The following PTPRK variants were observed in gnomAD, a reference collection of about 807,000 sequenced individuals.
PTPRK encodes receptor-type tyrosine-protein phosphatase kappa.
Under a neutral mutation model 178.0 loss-of-function variants are expected in PTPRK, and 75 were observed. That is an observed-to-expected ratio of 0.42 (90% confidence interval 0.35 to 0.51). The LOEUF (loss-of-function observed/expected upper bound fraction) is 0.51. Among genes scored for constraint, PTPRK ranks in the 20% least tolerant of loss-of-function variants. The pLI is 0.02. For synonymous variants in PTPRK, 637 were observed against 620.6 expected (o/e 1.03, Z -0.39); for missense variants, 1,441 against 1,797.8 (o/e 0.80, Z 3.59).
At chr6:128,375,347 G>A (rs1836908963) in intron 2 of PTPRK, among the ~76,000 whole-genome samples, 1 of 151,802 alleles carries the variant, frequency 6.6e-6, no homozygotes, top group African/African-American at 2.4e-5. Context: ...GGAGGAGCAA[G>A]TTATGTCTTA....
chr6:128,295,592 G>A (rs796475611), intron 3 of PTPRK, among the ~76,000 whole-genome samples: 25 of 152,132 alleles, frequency 1.6e-4, no homozygotes, highest in African/African-American at 5.5e-4. Context: ...GTAAAGTGCC[G>A]AATACAAATC....
intron 19 of PTPRK, among the ~76,000 whole-genome samples, chr6:127,991,610 T>C (rs1224061475): frequency 6.8e-6 from 1 of 146,340 alleles, no homozygotes; most frequent in African/African-American, 2.5e-5. Context: ...CAATTTGCCC[T>C]CTACACTTCC....
intron 5 of PTPRK, chr6:128,238,263 T>G (rs905183960): frequency 7.7e-5 from 29 of 378,528 alleles, no homozygotes; most frequent in South Asian, 1.4e-4. Flanking sequence ...TCATAGAATA[T>G]TTTACCTCTC....
intron 3 of PTPRK, among the ~76,000 whole-genome samples, chr6:128,259,810 T>G (rs1461167107): frequency 6.6e-6 from 1 of 152,200 alleles, no homozygotes; most frequent in Non-Finnish European, 1.5e-5. Context: ...AAAACATTCT[T>G]TCCTTTTCAT....
chr6:128,114,273 C>T (rs574620136), intron 7 of PTPRK, among the ~76,000 whole-genome samples: 4 of 152,118 alleles, frequency 2.6e-5, no homozygotes, highest in East Asian at 3.9e-4. Context: ...GCATGTATTA[C>T]ATGACGGCAG....
chr6:128,460,676 T>C (rs74891053), intron 1 of PTPRK, among the ~76,000 whole-genome samples: 2,517 of 152,340 alleles, frequency 0.017, 29 homozygotes, highest in Non-Finnish European at 0.027. Flanking sequence ...AAATTCTTTA[T>C]TTTGGAGAAT....
In PTPRK at chr6:128,459,337, A is replaced by G. The variant is rs113741194; in HGVS notation, c.100+60922T>C. Reference sequence around the variant, plus strand: ...CCCACTACTTACAATGGGACAAAAGAAAAAAGGAAGACAGGCAAGAAACCC... The same window carrying G: ...CCCACTACTTACAATGGGACAAAAGGAAAAAGGAAGACAGGCAAGAAACCC... On this transcript the variant is annotated intron_variant, in intron 1 of 29. Transcript: ENST00000368226. Among the ~76,000 whole-genome samples the G allele has an allele frequency of 9.1e-3, 1,386 of 152,274 alleles. 23 individuals are homozygous for G. Among genetic ancestry groups the G allele is most frequent in the African/African-American group, 0.031 (1,304 of 41,548 alleles).
chr6:128,448,820 T>C (rs531986890), intron 1 of PTPRK, among the ~76,000 whole-genome samples: 11 of 152,336 alleles, frequency 7.2e-5, no homozygotes, highest in African/African-American at 2.6e-4. Flanking sequence ...TATGTGTCAC[T>C]GTCCAATGCC....
rs537824693 is a variant in PTPRK at position 128,004,673 on chromosome 6, C to A, written c.2494+411G>T. On this transcript the variant is annotated intron_variant, in intron 15 of 29. Coordinates refer to ENST00000368226, the MANE Select transcript of PTPRK (RefSeq NM_002844.4). ...ATGATTTTACCTATGTCAATAATTC[C>A]CAAAAAGAATTACTGTTTCCTCTTA... 5.3e-5 allele frequency among the ~76,000 whole-genome samples: 8 copies of A among 151,812 alleles called. No individual in the cohort carries two copies. In the South Asian group the frequency reaches 1.5e-3, roughly 28 times the overall value.
intron 27 of PTPRK, among the ~76,000 whole-genome samples, 186 bp downstream of exon 27, chr6:127,976,471 C>A (rs1774606287): frequency 6.6e-6 from 1 of 152,204 alleles, no homozygotes; most frequent in Non-Finnish European, 1.5e-5. Flanking sequence ...AAAAACCTAG[C>A]TTCCAGCATT....
intron 27 of PTPRK, among the ~76,000 whole-genome samples, chr6:127,975,980 C>CT (rs566160993): frequency 1.1e-4 from 16 of 149,182 alleles, no homozygotes; most frequent in Admixed American, 2.7e-4. Context: ...TTTATTAGCA[C>CT]TTTTTTTTTT....
intron 1 of PTPRK, among the ~76,000 whole-genome samples, chr6:128,503,729 A>C (rs966909730): frequency 2.0e-5 from 3 of 152,158 alleles, no homozygotes; most frequent in Admixed American, 6.5e-5. Flanking sequence ...GCTAGAGTGC[A>C]GTGCCCAATC....
rs545754864 is a variant in PTPRK, at chr6:128,387,310, C to T, written c.223+10256G>A. 6.1e-4 allele frequency among the ~76,000 whole-genome samples: 93 copies of T among 152,254 alleles called. 1 individual carries two copies. In the South Asian group the frequency reaches 0.011, roughly 18 times the overall value. On this transcript the variant is annotated intron_variant, in intron 2 of 29. Coordinates refer to ENST00000368226, the MANE Select transcript of PTPRK (RefSeq NM_002844.4). ...CCACTGATTAAGATATTTTACAACTCTGTGAGAAAAGACTTAACTTGTAGA... is the reference window on the plus strand; with the variant it reads ...CCACTGATTAAGATATTTTACAACTTTGTGAGAAAAGACTTAACTTGTAGA...
chr6:128,505,605 CTGCAG>C (rs1243198991), intron 1 of PTPRK, among the ~76,000 whole-genome samples: 1 of 152,260 alleles, frequency 6.6e-6, no homozygotes, highest in East Asian at 1.9e-4. Flanking sequence ...ACATTCAAGC[CTGCAG>C]TGCAAAGAGC....
intron 1 of PTPRK, among the ~76,000 whole-genome samples, chr6:128,420,061 C>T (rs1344135279): frequency 6.6e-6 from 1 of 152,168 alleles, no homozygotes; most frequent in Admixed American, 6.5e-5. Context: ...ATAAGATCTA[C>T]TATATTGTGA....
chr6:128,309,961 G>C (rs924541902), intron 3 of PTPRK, among the ~76,000 whole-genome samples: 7 of 151,962 alleles, frequency 4.6e-5, no homozygotes, highest in Non-Finnish European at 8.8e-5. Context: ...TCCAGTCTCG[G>C]TGCCTACAAA....
intron 8 of PTPRK, among the ~76,000 whole-genome samples, chr6:128,089,013 A>C (rs1319460489): frequency 6.6e-6 from 1 of 152,132 alleles, no homozygotes; most frequent in African/African-American, 2.4e-5. Flanking sequence ...CCCAGGCTGG[A>C]GTGCAATGGT....
chr6:127,972,745 C>G, intron 29 of PTPRK, among the ~76,000 whole-genome samples: 1 of 152,234 alleles, frequency 6.6e-6, no homozygotes, highest in Non-Finnish European at 1.5e-5. Context: ...CCAAAGTTTA[C>G]TGCAGCAAAT....
intron 1 of PTPRK, among the ~76,000 whole-genome samples, chr6:128,465,927 T>C (rs753323678): frequency 2.6e-5 from 4 of 152,100 alleles, no homozygotes; most frequent in Admixed American, 6.6e-5. Flanking sequence ...TCTCGGCCCA[T>C]TGTCTCATGG....
Sources: gnomAD v4.1 joint callset for allele counts (sites outside exome capture counted in the v4.1 genomes callset) on GRCh38, gnomAD v4.1.1 for gene constraint, MANE v1.5 for transcripts, NCBI Gene and HGNC (gene_info 2026-07-23, HGNC 2026-07-21) for gene names.